The following GRAMD1B variants were observed in gnomAD, a reference collection of about 807,000 sequenced individuals.
GRAMD1B encodes protein Aster-B.
A neutral mutation model predicts 99.7 loss-of-function variants in GRAMD1B; 37 were observed. The ratio of observed to expected loss-of-function variants is 0.37; its 90% CI spans 0.29 to 0.49. GRAMD1B has a LOEUF of 0.49. GRAMD1B is among the 20% of genes least tolerant of loss of function. The pLI, the probability that GRAMD1B is intolerant of heterozygous loss-of-function variation, is 0.98. For synonymous variants in GRAMD1B, 427 were observed against 387.6 expected (o/e 1.10, Z -1.19); for missense variants, 888 against 1,009.2 (o/e 0.88, Z 1.63).
At chr11:123,543,840 C>T (rs1204427769) in intron 2 of GRAMD1B, among the ~76,000 whole-genome samples, 1 of 152,222 alleles carries the variant, frequency 6.6e-6, no homozygotes, top group Non-Finnish European at 1.5e-5. Context: ...GATGTAGTCA[C>T]AGGCTTTCAT....
chr11:123,545,255 G>T (rs1407872993), intron 2 of GRAMD1B, among the ~76,000 whole-genome samples: 1 of 152,226 alleles, frequency 6.6e-6, no homozygotes, highest in Non-Finnish European at 1.5e-5. Flanking sequence ...TTTCTCCAGT[G>T]CCTTCCTTTC....
chr11:123,459,307 G>A (rs1203896837), intron 1 of GRAMD1B: 2 of 150,616 alleles, frequency 1.3e-5, no homozygotes, highest in Non-Finnish European at 2.9e-5. Context: ...CCAGGCGAGA[G>A]TGCAGTGGCA....
At chr11:123,381,856 G>T (rs1946886599) in intron 1 of GRAMD1B, among the ~76,000 whole-genome samples, 1 of 152,212 alleles carries the variant, frequency 6.6e-6, no homozygotes, top group Non-Finnish European at 1.5e-5. Flanking sequence ...GACAGCAAGA[G>T]TGAGGTGGCG....
chr11:123,608,377 T>A, intron 11 of GRAMD1B: 1 of 876,856 alleles, frequency 1.1e-6, no homozygotes, highest in South Asian at 1.8e-5. Context: ...ATTAGGGAGG[T>A]TTGAAAGTGT....
At chr11:123,599,330 G>T in intron 7 of GRAMD1B, 1 of 703,378 alleles carries the variant, frequency 1.4e-6, no homozygotes, top group Non-Finnish European at 2.7e-6. Flanking sequence ...CCCGAGTGCA[G>T]TGATCAGAAT....
chr11:123,601,407 C>T (rs1025939358), intron 8 of GRAMD1B, among the ~76,000 whole-genome samples: 2 of 151,862 alleles, frequency 1.3e-5, no homozygotes, highest in African/African-American at 4.8e-5. Flanking sequence ...AAAAAGTTCC[C>T]ACTCAGATGC....
rs149492693 is a variant in GRAMD1B, at chr11:123,572,674, G to GGA, written c.453-4672_453-4671dup. Among the ~76,000 whole-genome samples, 117 of 149,814 alleles carry GGA rather than the reference G, an allele frequency of 7.8e-4. 1 individual carries two copies. Among genetic ancestry groups the GGA allele is most frequent in the South Asian group, 2.5e-3 (12 of 4,724 alleles). ...GTAGATGTCCATCAGGTAATTGGAG[G>GGA]GAGAGAGAGAGAGAGAGAGAGATTG... On this transcript the variant is annotated intron_variant, in intron 2 of 19. Coordinates refer to ENST00000635736, the MANE Select transcript of GRAMD1B (RefSeq NM_001387025.1).
At chr11:123,490,147 A>G (rs755436098) in intron 2 of GRAMD1B, among the ~76,000 whole-genome samples, 8 of 152,228 alleles carry the variant, frequency 5.3e-5, no homozygotes, top group Non-Finnish European at 1.2e-4. Context: ...GAAAATGCAA[A>G]CTTGGAATTT....
rs549627290 is a variant in GRAMD1B at position 123,403,992 on chromosome 11, AT to A, written c.-176+45200del. On this transcript the variant is annotated intron_variant, in intron 1 of 20. Transcript: ENST00000638157. ...ACGTGTCTTTCTTTTTGTTAACCTT[AT>A]TTTTTTGAAAGAACCTAGGACATTT... Among the ~76,000 whole-genome samples, 47 of 152,078 alleles carry A rather than the reference AT, an allele frequency of 3.1e-4. 1 individual carries two copies. In the South Asian group the frequency reaches 7.7e-3, roughly 25 times the overall value.
intron 1 of GRAMD1B, among the ~76,000 whole-genome samples, chr11:123,464,083 G>A (rs1950554951): frequency 2.0e-5 from 3 of 151,842 alleles, no homozygotes; most frequent in South Asian, 2.1e-4. Flanking sequence ...TGGGAGGGTC[G>A]CTTGAGCCGA....
intron 1 of GRAMD1B, among the ~76,000 whole-genome samples, chr11:123,448,863 C>T (rs777491948): frequency 1.3e-5 from 2 of 152,206 alleles, no homozygotes; most frequent in African/African-American, 2.4e-5. Flanking sequence ...ATTACACAAG[C>T]ATCCTGACTC....
chr11:123,441,823 A>C (rs1243963240), intron 1 of GRAMD1B, among the ~76,000 whole-genome samples: 1 of 152,032 alleles, frequency 6.6e-6, no homozygotes, highest in South Asian at 2.1e-4. Flanking sequence ...AAAAGTCAAC[A>C]TGCTATTTGG....
intron 2 of GRAMD1B, among the ~76,000 whole-genome samples, chr11:123,516,232 G>A (rs183530250): frequency 3.6e-3 from 550 of 152,300 alleles, no homozygotes; most frequent in Non-Finnish European, 6.4e-3. Flanking sequence ...ACTGAATAGC[G>A]CTGGTCACAA....
intron 2 of GRAMD1B, among the ~76,000 whole-genome samples, chr11:123,546,871 G>C (rs565818933): frequency 2.0e-5 from 3 of 152,088 alleles, no homozygotes; most frequent in African/African-American, 7.2e-5. Context: ...AGACTTCCAG[G>C]AAGCTGCACA....
intron 2 of GRAMD1B, among the ~76,000 whole-genome samples, chr11:123,486,433 C>G (rs143408277): frequency 6.6e-6 from 1 of 151,856 alleles, no homozygotes; most frequent in East Asian, 1.9e-4. Flanking sequence ...CCTGTGGTCC[C>G]AGCTACTTGG....
intron 1 of GRAMD1B, among the ~76,000 whole-genome samples, chr11:123,473,183 C>T (rs1191800340): frequency 6.6e-6 from 1 of 152,008 alleles, no homozygotes; most frequent in East Asian, 1.9e-4. Flanking sequence ...CCTGCCTCAG[C>T]CTCCCGAGTA....
At chr11:123,432,285 A>T (rs1948930727) in intron 1 of GRAMD1B, among the ~76,000 whole-genome samples, 1 of 152,120 alleles carries the variant, frequency 6.6e-6, no homozygotes, top group Admixed American at 6.6e-5. Context: ...ACCTGGGCAC[A>T]GTGGCTCACA....
In GRAMD1B at chr11:123,587,715, A is replaced by G. The variant is rs1448288980; in HGVS notation, c.684+3383A>G. Among the ~76,000 whole-genome samples the G allele has an allele frequency of 6.6e-6, 1 of 152,158 alleles. No individual in the cohort carries two copies. The highest frequency in any genetic ancestry group is 1.5e-5 in the Non-Finnish European group (1 of 68,040). Reference sequence around the variant, plus strand: ...ACTTAGCACCCTGCTTGCCTGAAGCACCTGCAGTTAGGGCTGCAGCTTTGT... The same window carrying G: ...ACTTAGCACCCTGCTTGCCTGAAGCGCCTGCAGTTAGGGCTGCAGCTTTGT... On this transcript the variant is annotated intron_variant, in intron 4 of 19. Coordinates refer to ENST00000635736, the MANE Select transcript of GRAMD1B (RefSeq NM_001387025.1). The surrounding 1 kb of genome is among the most constrained non-coding windows in gnomAD (Gnocchi z 4.2).
intron 2 of GRAMD1B, among the ~76,000 whole-genome samples, chr11:123,493,487 C>T (rs1938853279): frequency 6.6e-6 from 1 of 152,242 alleles, no homozygotes; most frequent in South Asian, 2.1e-4. Context: ...TTTGACTTCC[C>T]AGTTGCCAGG....
Sources: allele counts gnomAD v4.1 joint callset (sites outside exome capture counted in the v4.1 genomes callset), GRCh38; gene constraint gnomAD v4.1.1; non-coding constraint Gnocchi (gnomAD v3.1); transcripts MANE v1.5; gene names NCBI Gene and HGNC (gene_info 2026-07-23, HGNC 2026-07-21).